Variants in MAPK6 observed in about 807,000 individuals in gnomAD.
The protein encoded by MAPK6 is mitogen-activated protein kinase 6.
MAPK6 carries 19 observed loss-of-function variants against 59.3 expected under a neutral mutation model. The ratio of observed to expected loss-of-function variants is 0.32; its 90% CI spans 0.22 to 0.47. The LOEUF is 0.47. Ranked by LOEUF, MAPK6 falls within the 20% of genes least tolerant of loss-of-function variation. The probability of loss-of-function intolerance (pLI) is 1.00; values close to 1 mark genes in which losing one functional copy is unlikely to be tolerated. For synonymous variants in MAPK6, 316 were observed against 290.3 expected (o/e 1.09, Z -0.90); for missense variants, 724 against 847.9 (o/e 0.85, Z 1.81).
intron 3 of MAPK6, among the ~76,000 whole-genome samples, chr15:52,050,386 G>C (rs949936035): frequency 1.3e-5 from 2 of 152,144 alleles, no homozygotes; most frequent in African/African-American, 4.8e-5. Context: ...CATAATACTT[G>C]TTGGTAATTT....
intron 1 of MAPK6, among the ~76,000 whole-genome samples, chr15:52,022,848 C>A (rs981364017): frequency 1.3e-5 from 2 of 151,968 alleles, no homozygotes; most frequent in Non-Finnish European, 2.9e-5. Context: ...CAGTGGCTAA[C>A]GCTTGTAATC....
At chr15:51,978,692 TAAAAG>T (rs2057164238) in intron 1 of MAPK6, among the ~76,000 whole-genome samples, 2 of 151,852 alleles carry the variant, frequency 1.3e-5, no homozygotes, top group South Asian at 2.1e-4. Flanking sequence ...AAAAAACTTT[TAAAAG>T]AAAACAATTT....
At chr15:52,042,411 C>T (rs199951354) in intron 1 of MAPK6, among the ~76,000 whole-genome samples, 1 of 152,192 alleles carries the variant, frequency 6.6e-6, no homozygotes, top group East Asian at 1.9e-4. Flanking sequence ...AGGCAAAGCT[C>T]CTACCTTCCC....
At chr15:52,000,662 C>T (rs183324796) in intron 2 of MAPK6, among the ~76,000 whole-genome samples, 23 of 152,060 alleles carry the variant, frequency 1.5e-4, no homozygotes, top group African/African-American at 5.1e-4. Context: ...AAAAATTAGC[C>T]GGGCATGGTG....
intron 1 of MAPK6, among the ~76,000 whole-genome samples, chr15:52,037,183 G>A (rs1045173800): frequency 6.6e-6 from 1 of 152,146 alleles, no homozygotes; most frequent in African/African-American, 2.4e-5. Context: ...TATAGTCCCA[G>A]CTACTCAGGA....
chr15:52,063,114 CT>C (rs774040798), intron 5 of MAPK6, among the ~76,000 whole-genome samples: 106 of 152,280 alleles, frequency 7.0e-4, no homozygotes, highest in Non-Finnish European at 9.3e-4. Context: ...TGTTGCCAGG[CT>C]GGAGTGCAAT....
intron 3 of MAPK6, among the ~76,000 whole-genome samples, chr15:52,054,592 G>C (rs2031896134): frequency 6.6e-6 from 1 of 152,108 alleles, no homozygotes; most frequent in Non-Finnish European, 1.5e-5. Context: ...GAGTCACTAA[G>C]TACGCTTCAT....
intron 2 of MAPK6, among the ~76,000 whole-genome samples, chr15:52,000,259 G>C (rs141509007): frequency 6.6e-6 from 1 of 152,214 alleles, no homozygotes; most frequent in Non-Finnish European, 1.5e-5. Context: ...TTTCTTGATG[G>C]GGTCTTCTGA....
chr15:51,993,094 G>A (rs1358025343), intron 2 of MAPK6, among the ~76,000 whole-genome samples: 2 of 152,056 alleles, frequency 1.3e-5, no homozygotes, highest in Non-Finnish European at 2.9e-5. Flanking sequence ...CACATAGTTG[G>A]TTCCCCTGGC....
At chr15:51,988,428 G>A (rs1465509430) in intron 2 of MAPK6, among the ~76,000 whole-genome samples, 3 of 151,960 alleles carry the variant, frequency 2.0e-5, no homozygotes, top group Admixed American at 6.6e-5. Flanking sequence ...CTGCAAACTC[G>A]GTGGCTTTAG....
chr15:52,054,841 A>G (rs2031911205), intron 3 of MAPK6, among the ~76,000 whole-genome samples: 2 of 151,950 alleles, frequency 1.3e-5, no homozygotes, highest in South Asian at 2.1e-4. Context: ...CAACAATCGT[A>G]CAATGGTGCG....
chr15:52,058,230 C>G (rs1357209456), intron 3 of MAPK6, among the ~76,000 whole-genome samples: 3 of 152,192 alleles, frequency 2.0e-5, no homozygotes, highest in East Asian at 3.8e-4. Flanking sequence ...CAAGTCTAGT[C>G]CAACCCTTCA....
rs1566917076 is a variant in MAPK6 at position 52,065,144 on chromosome 15, A to G, written c.*144A>G. On this transcript the variant is annotated 3_prime_UTR_variant, in exon 6 of 6. Coordinates refer to ENST00000261845, the MANE Select transcript of MAPK6 (RefSeq NM_002748.4). ...TGAGTTCTTGTTTTTTAAAATCCAG[A>G]CTTTCTTTTTCTACATGTGAGATAG... 2 of 744,198 alleles carry G rather than the reference A, an allele frequency of 2.7e-6. No individual in the cohort carries two copies. The highest frequency in any genetic ancestry group is 3.6e-5 in the African/African-American group (2 of 55,490). The allele number at this position is 744,198 out of a possible 1,614,324, so 46.1% of individuals were successfully genotyped here.
intron 1 of MAPK6, among the ~76,000 whole-genome samples, chr15:51,982,601 G>A (rs1197330935): frequency 6.6e-6 from 1 of 152,080 alleles, no homozygotes; most frequent in African/African-American, 2.4e-5. Context: ...GAGGAGACTT[G>A]AAGAATACTG....
At chr15:52,008,307 G>A (rs1189312308) in intron 3 of MAPK6, among the ~76,000 whole-genome samples, 3 of 152,100 alleles carry the variant, frequency 2.0e-5, no homozygotes, top group Non-Finnish European at 4.4e-5. Flanking sequence ...AGGGTACCGT[G>A]GTCTTTTATG....
intron 2 of MAPK6, among the ~76,000 whole-genome samples, chr15:51,995,126 G>A (rs1441346515): frequency 2.6e-5 from 4 of 152,114 alleles, no homozygotes; most frequent in East Asian, 3.9e-4. Flanking sequence ...CTTTGGGATC[G>A]ACACCTGTGC....
At chr15:51,984,087 C>T (rs997650113) in intron 2 of MAPK6, among the ~76,000 whole-genome samples, 2 of 151,364 alleles carry the variant, frequency 1.3e-5, no homozygotes, top group African/African-American at 2.4e-5. Context: ...TTTATAATAG[C>T]CAGAAATTGG....
intron 1 of MAPK6, among the ~76,000 whole-genome samples, chr15:52,037,247 A>T (rs1297809905): frequency 6.6e-6 from 1 of 152,216 alleles, no homozygotes; most frequent in Non-Finnish European, 1.5e-5. Flanking sequence ...TCTCTTAAAG[A>T]GAATCTCCAA....
intron 1 of MAPK6, 125 bp from the exon 2 acceptor site, chr15:52,045,705 C>A (rs1017966224): frequency 3.9e-5 from 6 of 152,484 alleles, no homozygotes; most frequent in Non-Finnish European, 4.4e-5. Flanking sequence ...CACTTAATGA[C>A]CATAATTAAG....
Sources: allele counts gnomAD v4.1 joint callset (sites outside exome capture counted in the v4.1 genomes callset), GRCh38; gene constraint gnomAD v4.1.1; transcripts MANE v1.5; gene names NCBI Gene and HGNC (gene_info 2026-07-23, HGNC 2026-07-21).